The following MYO16 variants were observed in gnomAD, a reference collection of about 807,000 sequenced individuals.
MYO16 encodes the protein unconventional myosin-XVI.
MYO16 carries 94 observed loss-of-function variants against 205.3 expected under a neutral mutation model. That is an observed-to-expected ratio of 0.46 (90% CI 0.39 to 0.54). The LOEUF (loss-of-function observed/expected upper bound fraction) is 0.54, where lower values mean the gene tolerates loss of function less well. Among genes scored for constraint, MYO16 ranks in the 20% least tolerant of loss-of-function variants. The pLI is 0.00. For missense variants in MYO16, 2,315 were observed against 2,387.5 expected (o/e 0.97, Z 0.63); for synonymous variants, 988 against 954.0 (o/e 1.04, Z -0.66).
chr13:109,026,518 C>G (rs1886367941), intron 23 of MYO16, among the ~76,000 whole-genome samples: 1 of 152,124 alleles, frequency 6.6e-6, no homozygotes, highest in African/African-American at 2.4e-5. Flanking sequence ...GAACACTTTT[C>G]TCTTGTTTTG....
chr13:108,771,753 G>C (rs1885972975), intron 4 of MYO16, among the ~76,000 whole-genome samples: 1 of 151,496 alleles, frequency 6.6e-6, no homozygotes, highest in Non-Finnish European at 1.5e-5. Flanking sequence ...ACAATGTTTA[G>C]ACTTTTCAGA....
chr13:109,040,100 A>G (rs1886832809), intron 23 of MYO16, among the ~76,000 whole-genome samples: 1 of 152,060 alleles, frequency 6.6e-6, no homozygotes, highest in Admixed American at 6.6e-5. Context: ...TTCCTCAAAA[A>G]ACACAAGCTA....
chr13:108,696,872 T>C (rs900687656), intron 2 of MYO16, among the ~76,000 whole-genome samples: 1 of 152,154 alleles, frequency 6.6e-6, no homozygotes, highest in Non-Finnish European at 1.5e-5. Context: ...TGTCTGTTCT[T>C]GGATCAGTGC....
chr13:108,634,799 TTCTC>T (rs1220597317), intron 1 of MYO16, among the ~76,000 whole-genome samples: 3 of 152,182 alleles, frequency 2.0e-5, no homozygotes, highest in African/African-American at 7.2e-5. Context: ...GTTGCTGGCT[TTCTC>T]TTCTTCTTCG....
intron 34 of MYO16, among the ~76,000 whole-genome samples, chr13:109,186,575 C>A (rs1321929175): frequency 6.6e-6 from 1 of 152,016 alleles, no homozygotes; most frequent in Non-Finnish European, 1.5e-5. Context: ...AGGAAGTGAG[C>A]ATACATTCTG....
intron 3 of MYO16, among the ~76,000 whole-genome samples, chr13:108,714,370 G>T (rs1444319890): frequency 1.3e-5 from 2 of 152,088 alleles, no homozygotes; most frequent in African/African-American, 4.8e-5. Context: ...CCTGTTTTTC[G>T]GGAGGTCTAG....
At chr13:108,670,486 A>G (rs986309375) in intron 2 of MYO16, among the ~76,000 whole-genome samples, 2 of 152,200 alleles carry the variant, frequency 1.3e-5, no homozygotes, top group Admixed American at 6.5e-5. Flanking sequence ...ATACTAATCA[A>G]TGAAAGAACC....
chr13:108,610,838 A>T (rs77391512), intron 1 of MYO16, among the ~76,000 whole-genome samples: 2,080 of 152,294 alleles, frequency 0.014, 43 homozygotes, highest in African/African-American at 0.045. Context: ...AAAGAAAAAA[A>T]AGGAGCTTTT....
intron 27 of MYO16, among the ~76,000 whole-genome samples, chr13:109,082,197 C>T (rs1888302794): frequency 6.6e-6 from 1 of 152,140 alleles, no homozygotes; most frequent in African/African-American, 2.4e-5. Flanking sequence ...TATCAGCATA[C>T]CTAGTCTCTA....
At chr13:109,169,018 C>G (rs1488649674) in intron 33 of MYO16, among the ~76,000 whole-genome samples, 2 of 152,126 alleles carry the variant, frequency 1.3e-5, no homozygotes, top group African/African-American at 4.8e-5. Flanking sequence ...TCCATCCCAT[C>G]CTCCCACCTT....
At chr13:109,043,498 T>C (rs1249856135) in intron 23 of MYO16, among the ~76,000 whole-genome samples, 1 of 152,184 alleles carries the variant, frequency 6.6e-6, no homozygotes, top group Non-Finnish European at 1.5e-5. Flanking sequence ...AGGAAGACTC[T>C]ATATGACAGA....
At chr13:109,053,706 A>G (rs577859122) in intron 25 of MYO16, among the ~76,000 whole-genome samples, 3 of 152,178 alleles carry the variant, frequency 2.0e-5, no homozygotes, top group East Asian at 1.9e-4. Flanking sequence ...ACAGACAGCT[A>G]TTTATTATGA....
chr13:108,799,198 CAAATT>C (rs1886895804), intron 6 of MYO16, among the ~76,000 whole-genome samples: 1 of 152,306 alleles, frequency 6.6e-6, no homozygotes, highest in South Asian at 2.1e-4. Context: ...AAACCAACCT[CAAATT>C]AAAGTGTCCA....
the MYO16 span, among the ~76,000 whole-genome samples, chr13:108,516,179 T>G: frequency 2.6e-5 from 4 of 152,052 alleles, no homozygotes; most frequent in Admixed American, 6.6e-5. Context: ...AGTCTCGTGG[T>G]GCGCCATTTT....
At chr13:108,937,361 A>C (rs538177828) in intron 16 of MYO16, among the ~76,000 whole-genome samples, 1 of 152,044 alleles carries the variant, frequency 6.6e-6, no homozygotes, top group Admixed American at 6.5e-5. Flanking sequence ...TTCATTTTAT[A>C]TAATATCTCA....
chr13:108,872,723 T>TAC (rs923695614), intron 12 of MYO16, among the ~76,000 whole-genome samples: 18 of 151,658 alleles, frequency 1.2e-4, no homozygotes, highest in Non-Finnish European at 2.5e-4. Flanking sequence ...TATGTATATA[T>TAC]ACACACACAC....
At chr13:109,072,899 CT>C (rs1887971337) in intron 27 of MYO16, among the ~76,000 whole-genome samples, 1 of 152,080 alleles carries the variant, frequency 6.6e-6, no homozygotes, top group Non-Finnish European at 1.5e-5. Context: ...CTCTCATCTT[CT>C]TTCCTTTCTT....
chr13:108,532,737 A>G, the MYO16 span, among the ~76,000 whole-genome samples: 3 of 152,000 alleles, frequency 2.0e-5, no homozygotes, highest in African/African-American at 7.2e-5. Context: ...ACTGCAGTGA[A>G]CTATGATTGC....
intron 4 of MYO16, among the ~76,000 whole-genome samples, chr13:108,753,383 A>AAAAAC (rs1885313709): frequency 6.8e-6 from 1 of 147,726 alleles, no homozygotes; most frequent in African/African-American, 2.7e-5. Context: ...AAAAAAAAAA[A>AAAAAC]AAAAAAAAAA....
Sources: gnomAD v4.1 joint callset for allele counts (sites outside exome capture counted in the v4.1 genomes callset) on GRCh38, gnomAD v4.1.1 for gene constraint, MANE v1.5 for transcripts, NCBI Gene and HGNC (gene_info 2026-07-23, HGNC 2026-07-21) for gene names.